Variants in ABAT observed in about 807,000 individuals in gnomAD.
The protein encoded by ABAT is 4-aminobutyrate aminotransferase, mitochondrial.
ABAT carries 45 observed loss-of-function variants against 64.6 expected under a neutral mutation model. The observed-to-expected ratio is 0.70, with a 90% CI of 0.55 to 0.89. The LOEUF (loss-of-function observed/expected upper bound fraction) is 0.89. Among genes scored for constraint, ABAT ranks in the 40% least tolerant of loss-of-function variants. ABAT has a pLI of 0.00. For missense variants in ABAT, 633 were observed against 658.4 expected (o/e 0.96, Z 0.42); for synonymous variants, 297 against 250.5 (o/e 1.19, Z -1.75).
chr16:8,722,692 C>T, intron 1 of ABAT: 1 of 650,814 alleles, frequency 1.5e-6, no homozygotes, highest in African/African-American at 1.9e-5. Flanking sequence ...TCCTTGGTCA[C>T]AATTTCATGG....
intron 11 of ABAT, among the ~76,000 whole-genome samples, chr16:8,770,211 C>T (rs902599484): frequency 2.0e-5 from 3 of 152,130 alleles, no homozygotes; most frequent in African/African-American, 7.2e-5. Context: ...GATCTCAGCT[C>T]ACTGCAAGCT....
chr16:8,746,080 C>G lies in ABAT; in HGVS notation c.150C>G (p.Val50=). 1 of 1,613,538 alleles carries G rather than the reference C, an allele frequency of 6.2e-7. No individual in the cohort carries two copies. The highest frequency in any genetic ancestry group is 8.5e-7 in the Non-Finnish European group (1 of 1,179,894). The change falls in exon 3 of 16, where the codon GTC becomes GTG. Residue 50 remains valine, a synonymous_variant. Coordinates refer to ENST00000268251, the MANE Select transcript of ABAT (RefSeq NM_020686.6). ...ATGGGCCTCTGATGAAGACGGAAGT[C>G]CCAGGGCCTAGATCTCAGGTGAGTT... ...DYDGPLMKTE[V]PGPRSQELMK... is the part of the protein sequence containing the mutation.
chr16:8,709,438 A>G (rs1202395296), intron 1 of ABAT, among the ~76,000 whole-genome samples: 1 of 151,910 alleles, frequency 6.6e-6, no homozygotes, highest in African/African-American at 2.4e-5. Context: ...CAGTAGCACT[A>G]TCTCAGCTCA....
chr16:8,734,067 G>C (rs1304568103), intron 1 of ABAT, among the ~76,000 whole-genome samples: 1 of 152,052 alleles, frequency 6.6e-6, no homozygotes, highest in Non-Finnish European at 1.5e-5. Context: ...TCCACCTCTT[G>C]GCTATTGTGA....
In ABAT at chr16:8,781,313, G is replaced by C; in HGVS notation, c.1386G>C (p.Val462=). Reference sequence around the variant, plus strand: ...CCTACCTCCTGCCTCTTTCAGGTGTGGTGTTGGGTGGCTGTGGTGACAAAT... The same window carrying C: ...CCTACCTCCTGCCTCTTTCAGGTGTCGTGTTGGGTGGCTGTGGTGACAAAT... The part of the protein sequence containing the change: ...KLILIARNKG[V]VLGGCGDKSI... Residue 462 remains valine (V), a synonymous_variant, in exon 16 of 16, where the codon GTG becomes GTC. Coordinates refer to ENST00000268251, the MANE Select transcript of ABAT (RefSeq NM_020686.6). This position sits in a 1 kb window ranked among gnomAD's most constrained non-coding sequence, Gnocchi z 4.5. 1.2e-6 allele frequency: 2 copies of C among 1,614,084 alleles called. No individual in the cohort carries two copies. The highest frequency in any genetic ancestry group is 1.7e-6 in the Non-Finnish European group (2 of 1,179,984).
chr16:8,686,851 A>G (rs1446592672), intron 1 of ABAT, among the ~76,000 whole-genome samples: 2 of 152,232 alleles, frequency 1.3e-5, no homozygotes, highest in Non-Finnish European at 2.9e-5. Context: ...CAAATGAGAA[A>G]GACTTGAAAA....
intron 1 of ABAT, chr16:8,720,952 T>C (rs963877296): frequency 6.6e-6 from 1 of 152,232 alleles, no homozygotes; most frequent in Non-Finnish European, 1.5e-5. Flanking sequence ...AGACGCCATC[T>C]TCATAGGCTG....
At chr16:8,780,896 G>A (rs956616542) in intron 15 of ABAT, 56 of 446,720 alleles carry the variant, frequency 1.3e-4, no homozygotes, top group Non-Finnish European at 2.1e-4. Flanking sequence ...ACATGCTTCC[G>A]ACTCAGCCTG....
At chr16:8,734,754 A>G (rs1420419879) in intron 1 of ABAT, among the ~76,000 whole-genome samples, 2 of 152,166 alleles carry the variant, frequency 1.3e-5, no homozygotes, top group Admixed American at 1.3e-4. Context: ...AAATACACAT[A>G]CCAATTAACA....
chr16:8,717,642 T>C (rs1364116583), intron 1 of ABAT, among the ~76,000 whole-genome samples: 4 of 152,184 alleles, frequency 2.6e-5, no homozygotes, highest in Non-Finnish European at 4.4e-5. Flanking sequence ...GGCACCTCTT[T>C]CTGTTCCTTC....
chr16:8,763,115 A>G lies in ABAT; in HGVS notation c.367-954A>G, dbSNP rs951175218. On this transcript the variant is annotated intron_variant, in intron 6 of 15. Transcript: ENST00000268251. ...GCAAGACCCTGTAACAAAAAAAAAA[A>G]AAAAAAAGCCCTTCCAGGCAAGCCA... 3.9e-4 allele frequency among the ~76,000 whole-genome samples: 60 copies of G among 152,102 alleles called. 1 individual carries two copies. In the East Asian group the frequency reaches 0.011, roughly 28 times the overall value.
intron 5 of ABAT, among the ~76,000 whole-genome samples, chr16:8,756,527 G>C (rs2059653960): frequency 6.6e-6 from 1 of 152,088 alleles, no homozygotes; most frequent in Non-Finnish European, 1.5e-5. Context: ...TTTTAATAGA[G>C]TGGGGACCAG....
chr16:8,690,009 C>G (rs2057544006), intron 1 of ABAT, among the ~76,000 whole-genome samples: 1 of 152,140 alleles, frequency 6.6e-6, no homozygotes, highest in South Asian at 2.1e-4. Context: ...AGGGTAGTTC[C>G]AAGAGCCTTT....
At chr16:8,724,736 A>G (rs1567286746) in intron 1 of ABAT, among the ~76,000 whole-genome samples, 2 of 11,164 alleles carry the variant, frequency 1.8e-4, no homozygotes, top group Admixed American at 1.0e-3. Context: ...CTCAGGAAAA[A>G]AAAAAAAAAC....
At chr16:8,680,663 A>G (rs1006914008) in intron 1 of ABAT, among the ~76,000 whole-genome samples, 1 of 152,256 alleles carries the variant, frequency 6.6e-6, no homozygotes, top group Middle Eastern at 3.4e-3. Context: ...ACTGACCTCA[A>G]GTGATCCGCC....
intron 2 of ABAT, among the ~76,000 whole-genome samples, chr16:8,744,658 G>C (rs559922066): frequency 6.6e-6 from 1 of 151,962 alleles, no homozygotes; most frequent in Non-Finnish European, 1.5e-5. Flanking sequence ...ATGAGCCACG[G>C]TGCCCAGCCA....
intron 5 of ABAT, among the ~76,000 whole-genome samples, chr16:8,756,057 AAC>A (rs1555490776): frequency 6.6e-6 from 1 of 151,372 alleles, no homozygotes; most frequent in Non-Finnish European, 1.5e-5. Context: ...TCAAAAAAAA[AAC>A]AAAATTAGCC....
At chr16:8,756,446 A>T (rs1413585371) in intron 5 of ABAT, among the ~76,000 whole-genome samples, 1 of 151,704 alleles carries the variant, frequency 6.6e-6, no homozygotes, top group Admixed American at 6.6e-5. Flanking sequence ...CATGTGTAGA[A>T]CCTGCCGGTT....
At chr16:8,752,855 G>C (rs768010887) in intron 5 of ABAT, among the ~76,000 whole-genome samples, 1 of 152,158 alleles carries the variant, frequency 6.6e-6, no homozygotes, top group Non-Finnish European at 1.5e-5. Context: ...TCTTTGAAAA[G>C]ATTTTTTTAA....
Sources: gnomAD v4.1 joint callset for allele counts (sites outside exome capture counted in the v4.1 genomes callset) on GRCh38, gnomAD v4.1.1 for gene constraint, Gnocchi (gnomAD v3.1) non-coding constraint, MANE v1.5 for transcripts, NCBI Gene and HGNC (gene_info 2026-07-23, HGNC 2026-07-21) for gene names.